TM6SF1: variants seen among roughly 807,000 people sequenced by gnomAD.
TM6SF1 encodes transmembrane 6 superfamily member 1.
A neutral mutation model predicts 47.1 loss-of-function variants in TM6SF1; 43 were observed. The observed-to-expected ratio is 0.91, with a 90% CI of 0.72 to 1.18. TM6SF1 has a LOEUF of 1.18. Ranked by LOEUF, TM6SF1 falls within the 50% of genes most tolerant of loss-of-function variation. TM6SF1 has a pLI of 0.00. For missense variants in TM6SF1, 390 were observed against 449.0 expected (o/e 0.87, Z 1.19); for synonymous variants, 177 against 166.3 (o/e 1.06, Z -0.49).
intron 5 of TM6SF1, among the ~76,000 whole-genome samples, 158 bp downstream of exon 5, chr15:83,122,161 G>A (rs1200005724): frequency 6.6e-6 from 1 of 152,122 alleles, no homozygotes; most frequent in Non-Finnish European, 1.5e-5. Context: ...TTTAAAAAAA[G>A]TACTTTTTAA....
chr15:83,115,809 C>A (rs2034608675), intron 2 of TM6SF1, 36 bp from the exon 3 acceptor site: 1 of 1,373,658 alleles, frequency 7.3e-7, no homozygotes, highest in African/African-American at 1.4e-5. Flanking sequence ...GTCTCCTGAG[C>A]TATTGCTTTT....
intron 6 of TM6SF1, among the ~76,000 whole-genome samples, chr15:83,123,853 C>A (rs927204389): frequency 6.6e-6 from 1 of 152,312 alleles, no homozygotes; most frequent in African/African-American, 2.4e-5. Context: ...AATGTGAAAA[C>A]ACAGTGACAG....
Position 83,124,852 on chromosome 15 carries a change from T to C in TM6SF1, c.708+76T>C, listed in dbSNP as rs1319065300. Reference sequence around the variant, plus strand: ...CCAAATGGAAAAAAACTTAGAAATATGTTTTTGTTTTTCCATCAGACTTCT... The same window carrying C: ...CCAAATGGAAAAAAACTTAGAAATACGTTTTTGTTTTTCCATCAGACTTCT... On this transcript the variant is annotated intron_variant, in intron 7 of 9. Coordinates refer to ENST00000322019, the MANE Select transcript of TM6SF1 (RefSeq NM_023003.5). 3.8e-6 allele frequency: 5 copies of C among 1,304,104 alleles called. No individual in the cohort carries two copies. In the Admixed American group the frequency reaches 5.4e-5, roughly 14 times the overall value. The allele number at this position is 1,304,104 out of a possible 1,614,324, so 80.8% of individuals were successfully genotyped here. A position where few individuals can be genotyped will look rare whatever the true frequency, so the allele number is the denominator to read the frequency against.
Position 83,109,013 on chromosome 15 carries a change from T to C in TM6SF1, c.92+1241T>C, listed in dbSNP as rs928346240. Among the ~76,000 whole-genome samples, 3 of 152,226 alleles carry C rather than the reference T, an allele frequency of 2.0e-5. No individual in the cohort carries two copies. The South Asian group carries it at 6.2e-4, about 31-fold the overall frequency. The stretch of plus-strand genomic sequence containing the variant: ...CATTACGGGTAGTTCAGTGAAGATA[T>C]ACTGAGTGCCTACTGTGTGTTTGGC... On this transcript the variant is annotated intron_variant, in intron 1 of 9. Coordinates refer to ENST00000322019, the MANE Select transcript of TM6SF1 (RefSeq NM_023003.5).
chr15:83,134,903 A>G (rs952487577), intron 9 of TM6SF1: 1 of 152,252 alleles, frequency 6.6e-6, no homozygotes, highest in Admixed American at 6.5e-5. Context: ...AATGTCCAGA[A>G]AGCACCTCCT....
chr15:83,136,388 G>A, intron 9 of TM6SF1, 93 bp from the exon 10 acceptor site: 1 of 1,130,496 alleles, frequency 8.8e-7, no homozygotes, highest in Non-Finnish European at 1.2e-6. Context: ...TGAGGGCACA[G>A]AAACGTAGCC....
chr15:83,135,140 C>T (rs1182758993), intron 9 of TM6SF1: 1 of 151,636 alleles, frequency 6.6e-6, no homozygotes, highest in Non-Finnish European at 1.5e-5. Flanking sequence ...CAAAAATGTA[C>T]CACAGGTCTC....
At chr15:83,115,122 C>CTT (rs913490363) in intron 2 of TM6SF1, 8 of 146,572 alleles carry the variant, frequency 5.5e-5, no homozygotes, top group Non-Finnish European at 1.0e-4. Flanking sequence ...AAGTCATTGT[C>CTT]TTTTTTTTTT....
chr15:83,121,446 G>T (rs2035235450), intron 4 of TM6SF1, among the ~76,000 whole-genome samples: 1 of 152,076 alleles, frequency 6.6e-6, no homozygotes, highest in Non-Finnish European at 1.5e-5. Context: ...TTGCAACATG[G>T]GGTACATGTC....
intron 3 of TM6SF1, among the ~76,000 whole-genome samples, chr15:83,118,439 A>G (rs1438199139): frequency 6.6e-6 from 1 of 152,228 alleles, no homozygotes; most frequent in Non-Finnish European, 1.5e-5. Context: ...CAGGTGTGTT[A>G]GCAATGGAAG....
chr15:83,115,668 A>G (rs762039110), intron 2 of TM6SF1, 177 bp from the exon 3 acceptor site: 3 of 696,912 alleles, frequency 4.3e-6, no homozygotes, highest in Non-Finnish European at 7.9e-6. Flanking sequence ...AGCTGCGAAC[A>G]CAGGTGGAGG....
Position 83,136,595 on chromosome 15 carries a change from C to T in TM6SF1, c.1036C>T (p.Pro346Ser). 1 of 1,613,758 alleles carries T rather than the reference C, an allele frequency of 6.2e-7. No homozygotes were observed. Among genetic ancestry groups the T allele is most frequent in the Non-Finnish European group, 8.5e-7 (1 of 1,179,838 alleles). Residue 346 changes from proline to serine, a missense_variant, in exon 10 of 10, where the codon CCT becomes TCT. By Grantham distance (74) the Pro-to-Ser change is moderately conservative. Transcript: ENST00000322019. Reference protein sequence around the residue: ...LALNIAYGVLPQLLAYRCIYK... With the variant: ...LALNIAYGVLSQLLAYRCIYK... ...ATTAAACATAGCATATGGAGTTCTT[C>T]CTCAGCTCTTGGCCTATCGTTGTAT...
At chr15:83,115,535 G>A (rs1330051096) in intron 2 of TM6SF1, 3 of 485,314 alleles carry the variant, frequency 6.2e-6, no homozygotes, top group Non-Finnish European at 7.8e-6. Context: ...CACTTGTAGG[G>A]GAGTGGAGGA....
chr15:83,124,563 T>C, intron 6 of TM6SF1, 109 bp from the exon 7 acceptor site: 2 of 792,420 alleles, frequency 2.5e-6, no homozygotes, highest in Admixed American at 2.2e-5. Context: ...TGATATAAAT[T>C]GTGCATCTTC....
intron 9 of TM6SF1, chr15:83,127,740 T>A (rs2035895197): frequency 2.7e-6 from 1 of 364,312 alleles, no homozygotes; most frequent in Admixed American, 4.8e-5. Context: ...TGCCCAAGGT[T>A]ACACACCCAG....
intron 4 of TM6SF1, among the ~76,000 whole-genome samples, chr15:83,121,273 C>T (rs1451810307): frequency 6.9e-5 from 10 of 145,830 alleles, no homozygotes; most frequent in South Asian, 2.2e-4. Context: ...GTAGAGATGG[C>T]GTTTCACCAT....
At chr15:83,121,548 T>C (rs1197842623) in intron 4 of TM6SF1, among the ~76,000 whole-genome samples, 3 of 152,228 alleles carry the variant, frequency 2.0e-5, no homozygotes, top group East Asian at 1.9e-4. Flanking sequence ...CTCATACTTA[T>C]AATGATTAAA....
Position 83,119,674 on chromosome 15 carries a change from G to C in TM6SF1, c.391G>C (p.Ala131Pro). The C allele has an allele frequency of 6.2e-7, 1 of 1,614,186 alleles. No homozygotes were observed. Among genetic ancestry groups the C allele is most frequent in the Non-Finnish European group, 8.5e-7 (1 of 1,180,006 alleles). Residue 131 changes from alanine to proline, a missense_variant, in exon 4 of 10, where the codon GCA becomes CCA. Ala to Pro is a conservative substitution (Grantham distance 27). Coordinates refer to ENST00000322019, the MANE Select transcript of TM6SF1 (RefSeq NM_023003.5). ...LMYLVMVAAIAWEETYRTIGL... is the reference protein window; with the variant it reads ...LMYLVMVAAIPWEETYRTIGL... ...GTACCTGGTGATGGTGGCAGCCATAGCATGGGAGTAAGTCAGTTCACCTGG... is the reference window on the plus strand; with the variant it reads ...GTACCTGGTGATGGTGGCAGCCATACCATGGGAGTAAGTCAGTTCACCTGG...
At chr15:83,116,618 T>C (rs1425596026) in intron 3 of TM6SF1, among the ~76,000 whole-genome samples, 1 of 152,206 alleles carries the variant, frequency 6.6e-6, no homozygotes, top group Non-Finnish European at 1.5e-5. Context: ...CAGTGAAGAA[T>C]ACAGGCAGCT....
Sources: gnomAD v4.1 joint callset for allele counts (sites outside exome capture counted in the v4.1 genomes callset) on GRCh38, gnomAD v4.1.1 for gene constraint, MANE v1.5 for transcripts, NCBI Gene and HGNC (gene_info 2026-07-23, HGNC 2026-07-21) for gene names.